ADAM32: variants seen among roughly 807,000 people sequenced by gnomAD.
ADAM32 encodes ADAM metallopeptidase domain 32.
A neutral mutation model predicts 114.9 loss-of-function variants in ADAM32; 89 were observed. The observed-to-expected ratio is 0.77, with a 90% confidence interval of 0.65 to 0.92. The LOEUF is 0.92. Among genes scored for constraint, ADAM32 ranks in the 40% least tolerant of loss-of-function variants. The pLI is 0.00. For missense variants in ADAM32, 870 were observed against 932.8 expected (o/e 0.93, Z 0.88); for synonymous variants, 285 against 307.5 (o/e 0.93, Z 0.77).
intron 8 of ADAM32, 94 bp downstream of exon 8, chr8:39,164,929 C>T: frequency 6.7e-7 from 1 of 1,485,536 alleles, no homozygotes; most frequent in Non-Finnish European, 9.2e-7. Flanking sequence ...TTAACCCACC[C>T]ATATAAACTG....
intron 11 of ADAM32, among the ~76,000 whole-genome samples, chr8:39,196,049 C>A (rs1299050242): frequency 6.6e-6 from 1 of 152,006 alleles, no homozygotes; most frequent in Non-Finnish European, 1.5e-5. Flanking sequence ...GTGTAGAAGT[C>A]TTTTACCTCC....
intron 2 of ADAM32, among the ~76,000 whole-genome samples, chr8:39,128,893 G>A (rs911461730): frequency 2.0e-5 from 3 of 152,058 alleles, no homozygotes; most frequent in East Asian, 1.9e-4. Flanking sequence ...GGGGATACTT[G>A]GTTCTTCATC....
rs1241069855 is a variant in ADAM32, at chr8:39,234,075, T to C, written c.1811T>C (p.Ile604Thr). Residue 604 changes from isoleucine to threonine, a missense_variant, in exon 16 of 25, where the codon ATT becomes ACT. By Grantham distance (89) the Ile-to-Thr change is moderately conservative (BLOSUM62 -1). Coordinates refer to ENST00000379907, the MANE Select transcript of ADAM32 (RefSeq NM_145004.7). ...LAVKNGSQCD[I>T]GRVCVNRECV... ...GTCAAAAATGGCTCTCAGTGTGATA[T>C]TGGGAGGGTAAATAATTTAAAATCT... is the stretch of plus-strand genomic sequence containing the variant. 2.0e-5 allele frequency: 28 copies of C among 1,391,204 alleles called. No individual in the cohort carries two copies. Among genetic ancestry groups the C allele is most frequent in the Non-Finnish European group, 2.3e-5 (24 of 1,065,552 alleles). The allele number at this position is 1,391,204 out of a possible 1,614,324, so 86.2% of individuals were successfully genotyped here.
intron 15 of ADAM32, among the ~76,000 whole-genome samples, chr8:39,233,581 CT>C (rs1809891924): frequency 6.6e-6 from 1 of 152,234 alleles, no homozygotes; most frequent in South Asian, 2.1e-4. Context: ...GATCTCCTGT[CT>C]CATCCTGTGA....
intron 3 of ADAM32, among the ~76,000 whole-genome samples, chr8:39,142,851 A>C (rs1198979112): frequency 6.6e-6 from 1 of 152,082 alleles, no homozygotes; most frequent in Admixed American, 6.5e-5. Flanking sequence ...AATCAAACAT[A>C]TATTTGGTAT....
At chr8:39,230,769 G>T (rs1290532226) in intron 14 of ADAM32, among the ~76,000 whole-genome samples, 1 of 152,160 alleles carries the variant, frequency 6.6e-6, no homozygotes, top group Non-Finnish European at 1.5e-5. Context: ...ATCATAGAAG[G>T]TGCAGGTAAA....
intron 20 of ADAM32, 46 bp from the exon 21 acceptor site, chr8:39,274,266 G>A: frequency 6.2e-7 from 1 of 1,600,552 alleles, no homozygotes; most frequent in East Asian, 2.2e-5. Flanking sequence ...AAGTTGGCAA[G>A]TTTTCTTAGT....
At position 39,136,671 on chromosome 8, in the gene ADAM32, T is replaced by C. The variant is rs776416335; in HGVS notation, c.153T>C (p.Tyr51=). The part of the protein sequence containing the change: ...SSEIEYEQIS[Y]IIPIDEKLYT... The stretch of plus-strand genomic sequence containing the variant: ...GAATTCTCTAGGAACAAATATCCTA[T>C]ATTATTCCAATAGATGAGAAACTGT... The change falls in exon 3 of 25, where the codon TAT becomes TAC. Residue 51 remains tyrosine, a synonymous_variant. Transcript: ENST00000379907. 3 of 1,543,966 alleles carry C rather than the reference T, an allele frequency of 1.9e-6. No homozygotes were observed. In the Admixed American group the frequency reaches 6.4e-5, roughly 33 times the overall value.
chr8:39,270,918 A>C lies in ADAM32; in HGVS notation c.2201+4A>C, dbSNP rs920015687. The C allele has an allele frequency of 1.2e-6, 2 of 1,607,358 alleles. No homozygotes were observed. The highest frequency in any genetic ancestry group is 1.3e-5 in the African/African-American group (1 of 74,700). On this transcript the variant is annotated splice_donor_region_variant and intron_variant, in intron 20 of 24. Transcript: ENST00000379907. ...GCACACAGACATATGCCAGCCAGTA[A>C]GTAGTTTAGAAGGTGTTTTTAAGAT... is the stretch of plus-strand genomic sequence containing the variant.
At chr8:39,180,489 A>G (rs995133202) in intron 10 of ADAM32, among the ~76,000 whole-genome samples, 2 of 152,088 alleles carry the variant, frequency 1.3e-5, no homozygotes, top group Non-Finnish European at 2.9e-5. Context: ...AGTCCCATCG[A>G]CCACCCGAGG....
At chr8:39,170,440 G>A (rs1212630682) in intron 10 of ADAM32, among the ~76,000 whole-genome samples, 1 of 151,980 alleles carries the variant, frequency 6.6e-6, no homozygotes, top group Non-Finnish European at 1.5e-5. Flanking sequence ...TGTATTTTAA[G>A]CATTTATAAT....
rs537984527 is a variant in ADAM32, at chr8:39,241,861, G to A, written c.1819-4222G>A. ...TTACTCATGTAAGTTTCTGTAGCTG[G>A]CTTGAATTTCTTTTCAGCAAGTGGG... is the stretch of plus-strand genomic sequence containing the variant. On this transcript the variant is annotated intron_variant, in intron 16 of 24. Transcript: ENST00000379907. 7.2e-5 allele frequency among the ~76,000 whole-genome samples: 11 copies of A among 152,332 alleles called. No homozygotes were observed. The East Asian group carries it at 1.9e-3, about 27-fold the overall frequency.
intron 22 of ADAM32, among the ~76,000 whole-genome samples, chr8:39,277,779 G>T (rs1446934293): frequency 6.6e-6 from 1 of 152,260 alleles, no homozygotes; most frequent in Non-Finnish European, 1.5e-5. Flanking sequence ...ACTCTGTGCA[G>T]GCCCTGCAGC....
intron 2 of ADAM32, among the ~76,000 whole-genome samples, chr8:39,126,010 C>T (rs1053333780): frequency 3.3e-5 from 5 of 152,084 alleles, no homozygotes; most frequent in African/African-American, 1.2e-4. Flanking sequence ...TATTCTGTTC[C>T]GTTGGTCAAT....
chr8:39,274,519 T>C (rs1812954724), intron 21 of ADAM32, among the ~76,000 whole-genome samples, 169 bp downstream of exon 21: 1 of 152,242 alleles, frequency 6.6e-6, no homozygotes. Context: ...AATTAGTCAT[T>C]TCTTTATTTA....
At chr8:39,275,585 T>C (rs1462725354) in intron 21 of ADAM32, among the ~76,000 whole-genome samples, 1 of 152,182 alleles carries the variant, frequency 6.6e-6, no homozygotes, top group African/African-American at 2.4e-5. Context: ...AACAAATCAG[T>C]TTTCTTGTTC....
intron 11 of ADAM32, among the ~76,000 whole-genome samples, chr8:39,205,402 C>T (rs1011883664): frequency 6.6e-6 from 1 of 152,232 alleles, no homozygotes; most frequent in Non-Finnish European, 1.5e-5. Context: ...GAGTGAGGCT[C>T]CGTGGGCGTG....
intron 3 of ADAM32, among the ~76,000 whole-genome samples, chr8:39,141,983 G>A (rs924159175): frequency 3.9e-5 from 6 of 152,178 alleles, no homozygotes; most frequent in Non-Finnish European, 4.4e-5. Flanking sequence ...TTGGTTTAAA[G>A]TCTGTTTTAT....
chr8:39,179,424 C>G (rs901278735), intron 10 of ADAM32, among the ~76,000 whole-genome samples: 13 of 152,162 alleles, frequency 8.5e-5, no homozygotes, highest in African/African-American at 2.7e-4. Flanking sequence ...TGGATTCAGC[C>G]CCCTTCCTAC....
Sources: gnomAD v4.1 joint callset for allele counts (sites outside exome capture counted in the v4.1 genomes callset) on GRCh38, gnomAD v4.1.1 for gene constraint, MANE v1.5 for transcripts, NCBI Gene and HGNC (gene_info 2026-07-23, HGNC 2026-07-21) for gene names.